Variants in PCDHAC1 observed in about 807,000 individuals in gnomAD.
The protein encoded by PCDHAC1 is protocadherin alpha-C1.
PCDHAC1 carries 42 observed loss-of-function variants against 60.0 expected under a neutral mutation model. That is an observed-to-expected ratio of 0.70 (90% CI 0.55 to 0.90). The LOEUF is 0.90. Among genes scored for constraint, PCDHAC1 ranks in the 40% least tolerant of loss-of-function variants. The probability of loss-of-function intolerance (pLI) is 0.00; values close to 1 mark genes in which losing one functional copy is unlikely to be tolerated. For missense variants in PCDHAC1, 1,160 were observed against 1,222.3 expected (o/e 0.95, Z 0.76); for synonymous variants, 468 against 499.3 (o/e 0.94, Z 0.84).
At chr5:140,987,824 G>A (rs1032765154) in intron 3 of PCDHAC1, among the ~76,000 whole-genome samples, 1 of 151,972 alleles carries the variant, frequency 6.6e-6, no homozygotes, top group Non-Finnish European at 1.5e-5. Flanking sequence ...TGTTTCCTTA[G>A]GGGATTGCTT....
Position 141,010,533 on chromosome 5 carries a change from C to T in PCDHAC1, c.*596C>T, listed in dbSNP as rs1466502614. 4 of 390,018 alleles carry T rather than the reference C, an allele frequency of 1.0e-5. No homozygotes were observed. Among genetic ancestry groups the T allele is most frequent in the African/African-American group, 8.2e-5 (4 of 49,000 alleles). 24.2% of individuals were successfully genotyped at this position (390,018 alleles called of 1,614,324 possible). ...TACAACTCAAGAGGTGGCAGCCACCCTCTAGGAGACAAAACTACCCCCACT... is the reference window on the plus strand; with the variant it reads ...TACAACTCAAGAGGTGGCAGCCACCTTCTAGGAGACAAAACTACCCCCACT... On this transcript the variant is annotated 3_prime_UTR_variant, in exon 4 of 4. Transcript: ENST00000253807.
At chr5:141,005,701 CAAA>C (rs59860837) in intron 3 of PCDHAC1, among the ~76,000 whole-genome samples, 30 of 7,778 alleles carry the variant, frequency 3.9e-3, no homozygotes, top group African/African-American at 0.012. Context: ...AACTCCGTCT[CAAA>C]AAAAAAAAAA....
intron 1 of PCDHAC1, among the ~76,000 whole-genome samples, chr5:140,941,194 T>TCTTTCTTC (rs781885331): frequency 0.027 from 3,012 of 112,124 alleles, 85 homozygotes; most frequent in African/African-American, 0.068. Flanking sequence ...TCTTTTTTTT[T>TCTTTCTTC]CTTTCTTCCT....
chr5:140,944,316 T>G (rs140163712), intron 1 of PCDHAC1, among the ~76,000 whole-genome samples: 1 of 151,958 alleles, frequency 6.6e-6, no homozygotes, highest in Non-Finnish European at 1.5e-5. Context: ...GCCTCCTGAG[T>G]AGCTGGGATT....
In PCDHAC1 at chr5:140,926,673, A is replaced by T. The variant is rs998903830; in HGVS notation, c.-220A>T. 12 of 580,470 alleles carry T rather than the reference A, an allele frequency of 2.1e-5. No homozygotes were observed. Among genetic ancestry groups the T allele is most frequent in the Non-Finnish European group, 3.2e-5 (12 of 374,998 alleles). The allele number at this position is 580,470 out of a possible 1,614,324, so 36.0% of individuals were successfully genotyped here. ...GCTCCGCTTTCCCAGACGGCTGCCC[A>T]GCCTCCAGCCTAGCAAGCCCGGCTC... On this transcript the variant is annotated 5_prime_UTR_variant, in exon 1 of 4. Transcript: ENST00000253807.
chr5:140,975,461 G>A (rs2096668419), intron 1 of PCDHAC1, among the ~76,000 whole-genome samples: 1 of 152,196 alleles, frequency 6.6e-6, no homozygotes, highest in Non-Finnish European at 1.5e-5. Context: ...GGCCATCTTG[G>A]AATTCTGCCT....
Position 140,926,414 on chromosome 5 carries a change from A to C in PCDHAC1, c.-479A>C. The C allele has an allele frequency of 6.5e-6, 1 of 152,834 alleles. No homozygotes were observed. The highest frequency in any genetic ancestry group is 1.5e-5 in the Non-Finnish European group (1 of 68,438). The allele number at this position is 152,834 out of a possible 1,614,324, so 9.5% of individuals were successfully genotyped here. ...CCACAGTTATCAGCAATCTGCGGGC[A>C]GAGGATGTGGAGGTTAAGATCTGGG... On this transcript the variant is annotated 5_prime_UTR_variant, in exon 1 of 4. Coordinates refer to ENST00000253807, the MANE Select transcript of PCDHAC1 (RefSeq NM_018898.5).
intron 1 of PCDHAC1, among the ~76,000 whole-genome samples, chr5:140,941,231 C>CTTTCTTTCTTTCTTTCTT (rs2092927472): frequency 2.2e-5 from 3 of 136,876 alleles, no homozygotes; most frequent in African/African-American, 8.3e-5. Context: ...TTCTTTCTTT[C>CTTTCTTTCTTTCTTTCTT]TTTCTTTCTT....
At position 140,929,317 on chromosome 5, in the gene PCDHAC1, A is replaced by G; in HGVS notation, c.2425A>G (p.Asn809Asp). 1 of 1,549,080 alleles carries G rather than the reference A, an allele frequency of 6.5e-7. No individual in the cohort carries two copies. Among genetic ancestry groups the G allele is most frequent in the South Asian group, 1.2e-5 (1 of 81,770 alleles). ...RNRKGDHANV[N>D]AMPRQPNPDW... ...TAGGAAAGGGGATCACGCTAATGTCAATGCCATGGTAAGCAAATTTTATGG... is the reference window on the plus strand; with the variant it reads ...TAGGAAAGGGGATCACGCTAATGTCGATGCCATGGTAAGCAAATTTTATGG... Residue 809 changes from asparagine (N) to aspartate (D), a missense_variant, in exon 1 of 4, where the codon AAT becomes GAT. Transcript: ENST00000253807.
intron 1 of PCDHAC1, among the ~76,000 whole-genome samples, chr5:140,938,890 C>T (rs979482011): frequency 5.9e-5 from 9 of 152,080 alleles, no homozygotes; most frequent in Non-Finnish European, 8.8e-5. Flanking sequence ...CACACACACA[C>T]AGATGCGCAC....
intron 1 of PCDHAC1, among the ~76,000 whole-genome samples, chr5:140,949,891 T>G (rs2094429972): frequency 6.6e-6 from 1 of 151,864 alleles, no homozygotes; most frequent in African/African-American, 2.4e-5. Context: ...TTCCTCAGAA[T>G]CTCTTTTAAT....
chr5:140,943,617 T>A (rs2093532711), intron 1 of PCDHAC1, among the ~76,000 whole-genome samples: 1 of 152,208 alleles, frequency 6.6e-6, no homozygotes, highest in Non-Finnish European at 1.5e-5. Context: ...TTGATTCATC[T>A]GCATAAGGAA....
intron 1 of PCDHAC1, among the ~76,000 whole-genome samples, chr5:140,955,446 A>G (rs574900327): frequency 6.6e-6 from 1 of 152,194 alleles, no homozygotes; most frequent in Non-Finnish European, 1.5e-5. Context: ...TGATGGTTTT[A>G]TAAGGGCTTT....
chr5:140,933,704 T>C (rs1436562602), intron 1 of PCDHAC1, among the ~76,000 whole-genome samples: 1 of 152,084 alleles, frequency 6.6e-6, no homozygotes, highest in African/African-American at 2.4e-5. Flanking sequence ...CGGACACATT[T>C]ACTGAGATTG....
intron 1 of PCDHAC1, among the ~76,000 whole-genome samples, chr5:140,961,887 G>GT (rs35680913): frequency 0.069 from 9,857 of 143,718 alleles, 798 homozygotes; most frequent in African/African-American, 0.2. Flanking sequence ...ACTTACATCA[G>GT]TTTTTTTTTT....
intron 1 of PCDHAC1, chr5:140,967,162 C>T (rs782524334): frequency 1.9e-6 from 3 of 1,610,776 alleles, no homozygotes; most frequent in Non-Finnish European, 2.5e-6. Context: ...TGGCGGTGAG[C>T]GCCGTTGAGG....
At chr5:140,954,305 T>C (rs2153702260) in intron 1 of PCDHAC1, among the ~76,000 whole-genome samples, 1 of 152,342 alleles carries the variant, frequency 6.6e-6, no homozygotes, top group South Asian at 2.1e-4. Context: ...TACCCAGTAA[T>C]GGGATTGCTG....
chr5:141,008,837 C>G (rs1460664317), intron 3 of PCDHAC1, among the ~76,000 whole-genome samples: 1 of 152,178 alleles, frequency 6.6e-6, no homozygotes, highest in Non-Finnish European at 1.5e-5. Flanking sequence ...CATCCTCTTA[C>G]GCTGTGTATT....
intron 3 of PCDHAC1, among the ~76,000 whole-genome samples, chr5:140,985,532 G>C (rs1358120172): frequency 6.6e-6 from 1 of 152,072 alleles, no homozygotes; most frequent in African/African-American, 2.4e-5. Flanking sequence ...AAAGCTTCAC[G>C]GTGAAGATGC....
Sources: gnomAD v4.1 joint callset for allele counts (sites outside exome capture counted in the v4.1 genomes callset) on GRCh38, gnomAD v4.1.1 for gene constraint, MANE v1.5 for transcripts, NCBI Gene and HGNC (gene_info 2026-07-23, HGNC 2026-07-21) for gene names.